Variants in TRPM1 observed in about 807,000 individuals in gnomAD.
The protein encoded by TRPM1 is TRPM1-203 APA Isoform, Intron 10.
A neutral mutation model predicts 149.4 loss-of-function variants in TRPM1; 113 were observed. The observed-to-expected ratio is 0.76, with a 90% confidence interval of 0.65 to 0.88. The LOEUF is 0.88. Among genes scored for constraint, TRPM1 ranks in the 40% least tolerant of loss-of-function variants. The pLI is 0.00. For missense variants in TRPM1, 1,976 were observed against 2,038.7 expected, an observed-to-expected ratio of 0.97 and a Z score of 0.59; for synonymous variants, 741 against 759.5, an observed-to-expected ratio of 0.98 and a Z score of 0.40.
chr15:31,132,295 C>T (rs1051482468), intron 1 of TRPM1, among the ~76,000 whole-genome samples: 1 of 152,184 alleles, frequency 6.6e-6, no homozygotes, highest in Non-Finnish European at 1.5e-5. Flanking sequence ...GGTCCATGGC[C>T]CGTTTCCCAC....
intron 23 of TRPM1, 29 bp from the exon 24 acceptor site, chr15:31,029,420 TG>T (rs2032956521): frequency 6.2e-7 from 1 of 1,610,992 alleles, no homozygotes. Context: ...GCAGGATTTT[TG>T]TTTTGTTTTG....
chr15:31,042,389 A>G, intron 16 of TRPM1, 146 bp from the exon 17 acceptor site: 1 of 823,236 alleles, frequency 1.2e-6, no homozygotes, highest in South Asian at 1.6e-5. Flanking sequence ...CCGCATATGA[A>G]TTCTTTTGAA....
intron 1 of TRPM1, among the ~76,000 whole-genome samples, chr15:31,109,812 G>C (rs1288420705): frequency 6.6e-6 from 1 of 152,092 alleles, no homozygotes; most frequent in African/African-American, 2.4e-5. Context: ...GGAGATGACA[G>C]ACAGTAGGGC....
At chr15:31,006,062 C>T (rs913796767) in intron 27 of TRPM1, among the ~76,000 whole-genome samples, 2 of 152,248 alleles carry the variant, frequency 1.3e-5, no homozygotes, top group African/African-American at 4.8e-5. Context: ...CCTTTCAGCA[C>T]AGAGTGAAAA....
intron 1 of TRPM1, among the ~76,000 whole-genome samples, chr15:31,119,653 A>T (rs1356798223): frequency 3.4e-5 from 5 of 148,222 alleles, no homozygotes; most frequent in Non-Finnish European, 6.1e-5. Context: ...TTGTACAAAA[A>T]TAATAACAAC....
intron 1 of TRPM1, among the ~76,000 whole-genome samples, chr15:31,150,948 C>A (rs528753734): frequency 6.6e-6 from 1 of 152,128 alleles, no homozygotes; most frequent in Non-Finnish European, 1.5e-5. Flanking sequence ...AGTCCACATG[C>A]GCATTAGGAG....
intron 2 of TRPM1, among the ~76,000 whole-genome samples, chr15:31,079,560 C>A (rs2034802516): frequency 6.6e-6 from 1 of 152,250 alleles, no homozygotes; most frequent in East Asian, 1.9e-4. Context: ...CTCTTTATAA[C>A]CTGGTGTCCA....
rs1263085882 is a variant in TRPM1, at chr15:31,156,567, GA to G, written c.54+4338del. Among the ~76,000 whole-genome samples, 3 of 152,116 alleles carry G rather than the reference GA, an allele frequency of 2.0e-5. No homozygotes were observed. The East Asian group carries it at 5.8e-4, about 29-fold the overall frequency. ...AACTCTTTCAACCAATTGCCAACCA[GA>G]AAACCTTTGTATCCACCTATGTGAC... On this transcript the variant is annotated intron_variant, in intron 1 of 26. Coordinates refer to the TRPM1 transcript ENST00000542188.
rs1168938837 is a variant in TRPM1 at position 31,063,185 on chromosome 15, TCAC to T, written c.895_897del (p.Val299del). On this transcript the variant is annotated inframe_deletion, in exon 8 of 28. Transcript: ENST00000256552. ...GAGGCACGTCCGCTGCCATCACAAA[TCAC>T]CACAGGGATGGGAGGCTCTTCTTGC... 6.2e-7 allele frequency: 1 copy of T among 1,614,174 alleles called. No homozygotes were observed. The highest frequency in any genetic ancestry group is 8.5e-7 in the Non-Finnish European group (1 of 1,180,024).
At chr15:31,102,982 C>T (rs76811762), upstream of TRPM1, among the ~76,000 whole-genome samples, 3,200 of 152,190 alleles carry the variant, frequency 0.021, 118 homozygotes, top group African/African-American at 0.072. Flanking sequence ...GAGGGTGCTA[C>T]GTGGCCGGAA....
At chr15:31,097,126 C>T (rs781653800) in intron 1 of TRPM1, among the ~76,000 whole-genome samples, 1 of 152,132 alleles carries the variant, frequency 6.6e-6, no homozygotes, top group Non-Finnish European at 1.5e-5. Context: ...CAATTGGGGT[C>T]TTTTCTGAGT....
intron 1 of TRPM1, among the ~76,000 whole-genome samples, chr15:31,093,231 A>C (rs956750274): frequency 1.5e-5 from 2 of 134,214 alleles, no homozygotes; most frequent in African/African-American, 5.6e-5. Context: ...ACTGCACTCC[A>C]GCCTGGGCGA....
At chr15:31,090,775 A>T (rs1410005653) in intron 1 of TRPM1, among the ~76,000 whole-genome samples, 1 of 152,156 alleles carries the variant, frequency 6.6e-6, no homozygotes, top group African/African-American at 2.4e-5. Flanking sequence ...TTTTTAAAAA[A>T]AATACAGTAA....
chr15:31,052,913 A>C (rs2033984250), intron 11 of TRPM1, among the ~76,000 whole-genome samples: 1 of 152,236 alleles, frequency 6.6e-6, no homozygotes, highest in South Asian at 2.1e-4. Flanking sequence ...ATTAATAACA[A>C]ATCCGATGGA....
intron 1 of TRPM1, among the ~76,000 whole-genome samples, chr15:31,088,097 T>C (rs2035052076): frequency 6.6e-6 from 1 of 152,116 alleles, no homozygotes; most frequent in South Asian, 2.1e-4. Context: ...GGTGGGGACT[T>C]GGGGAACTTT....
rs976893068 is a variant in TRPM1 at position 31,096,549 on chromosome 15, G to A, written c.-84+5108C>T. The stretch of plus-strand genomic sequence containing the variant: ...CAACATCACCTGGCCAGCTCACTCC[G>A]AAAAGCACAGCAGTTGGGAAGGTGT... On this transcript the variant is annotated intron_variant, in intron 1 of 27. Coordinates refer to ENST00000256552, the MANE Select transcript of TRPM1 (RefSeq NM_001252024.2). Among the ~76,000 whole-genome samples the A allele has an allele frequency of 3.3e-5, 5 of 152,252 alleles. No homozygotes were observed. The South Asian group carries it at 6.2e-4, about 19-fold the overall frequency.
intron 1 of TRPM1, among the ~76,000 whole-genome samples, chr15:31,091,499 C>T (rs2035239391): frequency 6.6e-6 from 1 of 152,170 alleles, no homozygotes; most frequent in African/African-American, 2.4e-5. Context: ...GGATGGAGAC[C>T]CAGGATGGGG....
At chr15:31,027,779 G>A (rs1488160871) in intron 25 of TRPM1, among the ~76,000 whole-genome samples, 7 of 152,140 alleles carry the variant, frequency 4.6e-5, no homozygotes, top group African/African-American at 1.7e-4. Flanking sequence ...TTTCATCTTA[G>A]AAGCTAAAAT....
chr15:31,030,895 A>T (rs1048837742), intron 23 of TRPM1, 88 bp downstream of exon 23: 28 of 1,509,124 alleles, frequency 1.9e-5, no homozygotes, highest in Non-Finnish European at 2.4e-5. Context: ...TTTTATTTCC[A>T]AATTAATACA....
Sources: allele counts gnomAD v4.1 joint callset (sites outside exome capture counted in the v4.1 genomes callset), GRCh38; gene constraint gnomAD v4.1.1; transcripts MANE v1.5; gene names NCBI Gene and HGNC (gene_info 2026-07-23, HGNC 2026-07-21).